STARD9: variants seen among roughly 807,000 people sequenced by gnomAD.
The protein encoded by STARD9 is StAR related lipid transfer domain containing 9, also known as stAR-related lipid transfer protein 9.
In STARD9, 346 loss-of-function variants were observed where a neutral mutation model predicts 399.8. The observed-to-expected ratio is 0.87, with a 90% CI of 0.79 to 0.95. The LOEUF (loss-of-function observed/expected upper bound fraction) is 0.95, where lower values mean the gene tolerates loss of function less well. Ranked by LOEUF, STARD9 falls within the 40% of genes least tolerant of loss-of-function variation. The pLI, the probability that STARD9 is intolerant of heterozygous loss-of-function variation, is 0.00. For synonymous variants in STARD9, 2,203 were observed against 2,143.5 expected (o/e 1.03, Z -0.77); for missense variants, 5,832 against 5,667.5 (o/e 1.03, Z -0.93).
At chr15:42,631,434 A>G (rs1487651211) in intron 3 of STARD9, among the ~76,000 whole-genome samples, 1 of 151,988 alleles carries the variant, frequency 6.6e-6, no homozygotes, top group Non-Finnish European at 1.5e-5. Context: ...TACAAAAAAA[A>G]CCAGGCGTGG....
intron 1 of STARD9, chr15:42,581,464 G>A: frequency 1.3e-6 from 2 of 1,528,156 alleles, no homozygotes; most frequent in Non-Finnish European, 1.8e-6. Context: ...CTGGGCTGGT[G>A]GCCGCTGCCA....
At position 42,689,750 on chromosome 15, in the gene STARD9, T is replaced by C; in HGVS notation, c.8172T>C (p.Arg2724=). 6.5e-7 allele frequency: 1 copy of C among 1,537,794 alleles called. No individual in the cohort carries two copies. The highest frequency in any genetic ancestry group is 8.7e-7 in the Non-Finnish European group (1 of 1,147,016). The change falls in exon 23 of 33, where the codon CGT becomes CGC. Residue 2724 remains arginine (R), a synonymous_variant. Transcript: ENST00000290607. ...ATCCTTTGGCCCCAGACAGTCCTCG[T>C]TCTTCAGCACCTGTGGAGGAGGTCA... ...SADPLAPDSP[R]SSAPVEEVRR...
chr15:42,688,879 A>G lies in STARD9; in HGVS notation c.7301A>G (p.Asp2434Gly). 4 of 1,537,298 alleles carry G rather than the reference A, an allele frequency of 2.6e-6. No individual in the cohort carries two copies. Among genetic ancestry groups the G allele is most frequent in the African/African-American group, 1.4e-5 (1 of 73,158 alleles). Residue 2434 changes from aspartate (D) to glycine (G), a missense_variant, in exon 23 of 33, where the codon GAC (aspartate) becomes GGC (glycine). Coordinates refer to ENST00000290607, the MANE Select transcript of STARD9 (RefSeq NM_020759.3). ...GAGAGCATTCCTCTGGGGACAGAGG[A>G]CAGGATCTCAGCAAGCACCAGCCCC... ...VPESIPLGTE[D>G]RISASTSPQD...
Position 42,637,913 on chromosome 15 carries a change from G to C in STARD9, c.358G>C (p.Val120Leu). ...TYTMLGTPAS[V>L]GLTPRICEGL... The stretch of plus-strand genomic sequence containing the variant: ...CCTTTCTTCTGTTCACCAGGCCTCT[G>C]TTGGGTTGACACCACGGATATGTGA... The change falls in exon 5 of 33, where the codon GTT becomes CTT. Residue 120 changes from valine to leucine, a missense_variant. Physicochemically the swap from Val to Leu is conservative, Grantham distance 32. Transcript: ENST00000290607. The C allele has an allele frequency of 2.6e-6, 4 of 1,537,232 alleles. No individual in the cohort carries two copies. Among genetic ancestry groups the C allele is most frequent in the Non-Finnish European group, 3.5e-6 (4 of 1,146,896 alleles).
Position 42,712,090 on chromosome 15 carries a change from TATATATAATATATAATATATAATATATA to T in STARD9, c.13285-4579_13285-4552del, listed in dbSNP as rs765517722. Among the ~76,000 whole-genome samples, 4 of 6,132 alleles carry T rather than the reference TATATATAATATATAATATATAATATATA, an allele frequency of 6.5e-4. 1 individual carries two copies. The highest frequency in any genetic ancestry group is 0.011 in the South Asian group (2 of 188). 4.0% of individuals were successfully genotyped at this position (6,132 alleles called of 152,430 possible). A position where few individuals can be genotyped will look rare whatever the true frequency, so the allele number is the denominator to read the frequency against. On this transcript the variant is annotated intron_variant, in intron 26 of 32. Transcript: ENST00000290607. ...TATATATATATATATATTATATATA[TATATATAATATATAATATATAATATATA>T]ATATATATATAAATGTGCCTTTGCC...
intron 4 of STARD9, among the ~76,000 whole-genome samples, chr15:42,635,529 C>T (rs2059403019): frequency 6.6e-6 from 1 of 152,074 alleles, no homozygotes; most frequent in African/African-American, 2.4e-5. Flanking sequence ...CGGGGTTTCA[C>T]CGTGTTAGCC....
Position 42,693,769 on chromosome 15 carries a change from C to T in STARD9, c.12191C>T (p.Ala4064Val), listed in dbSNP as rs2060773216. Residue 4064 changes from alanine (A) to valine (V), a missense_variant, in exon 23 of 33, where the codon GCA (alanine) becomes GTA (valine). By Grantham distance (64) the Ala-to-Val change is moderately conservative. This residue lies in a region of STARD9 where 5,828 missense variants were observed against 5,651.1 expected (regional missense o/e 1.03). Coordinates refer to ENST00000290607, the MANE Select transcript of STARD9 (RefSeq NM_020759.3). ...ACAGAAAATGGAGGTGAGAGTTCAG[C>T]ATCTCCAGGGGAACCACAACGCACT... ...SRTENGGESSASPGEPQRTLD... is the reference protein window; with the variant it reads ...SRTENGGESSVSPGEPQRTLD... 3 of 1,536,142 alleles carry T rather than the reference C, an allele frequency of 2.0e-6. No individual in the cohort carries two copies. Among genetic ancestry groups the T allele is most frequent in the South Asian group, 1.2e-5 (1 of 83,974 alleles).
At chr15:42,596,848 C>T (rs2058515649) in intron 3 of STARD9, among the ~76,000 whole-genome samples, 1 of 152,182 alleles carries the variant, frequency 6.6e-6, no homozygotes, top group Admixed American at 6.5e-5. Flanking sequence ...GCAAAATATT[C>T]GAACAGTACA....
intron 3 of STARD9, among the ~76,000 whole-genome samples, chr15:42,608,563 A>G (rs1307953228): frequency 6.6e-6 from 1 of 152,178 alleles, no homozygotes; most frequent in African/African-American, 2.4e-5. Flanking sequence ...TTTTTTCCAC[A>G]TAGGCAGGAA....
chr15:42,679,601 GCTGCGTT>G (rs1195986084), intron 20 of STARD9, among the ~76,000 whole-genome samples: 1 of 152,156 alleles, frequency 6.6e-6, no homozygotes, highest in East Asian at 1.9e-4. Flanking sequence ...TCCTCCAAAG[GCTGCGTT>G]ATGAAATCTT....
At chr15:42,627,017 C>A (rs1192574594) in intron 3 of STARD9, among the ~76,000 whole-genome samples, 1 of 152,046 alleles carries the variant, frequency 6.6e-6, no homozygotes. Context: ...GCTGGTATTA[C>A]AAGTGTGTAC....
rs369310511 is a variant in STARD9, at chr15:42,684,165, C to T, written c.2587C>T (p.Pro863Ser). The T allele has an allele frequency of 5.0e-4, 767 of 1,536,998 alleles. 2 individuals carry two copies. The highest frequency in any genetic ancestry group is 6.2e-4 in the Non-Finnish European group (707 of 1,146,796). ...PSTTLPPRPD[P>S]THQTSEKTSS... ...TACCACATTGCCACCTAGGCCTGAC[C>T]CTACACACCAAACATCAGAGAAAAC... Residue 863 changes from proline to serine, a missense_variant, in exon 23 of 33, where the codon CCT becomes TCT. This residue lies in a region of STARD9 where 5,828 missense variants were observed against 5,651.1 expected (regional missense o/e 1.03). Coordinates refer to ENST00000290607, the MANE Select transcript of STARD9 (RefSeq NM_020759.3).
rs556481303 is a variant in STARD9 at position 42,623,386 on chromosome 15, G to C, written c.235-11470G>C. 2.0e-5 allele frequency among the ~76,000 whole-genome samples: 3 copies of C among 152,174 alleles called. No homozygotes were observed. In the South Asian group the frequency reaches 6.2e-4, roughly 32 times the overall value. ...TTTATTCATATTCTACTATGTACTG[G>C]TATTGAACTGTTTACTGACTCTATG... is the stretch of plus-strand genomic sequence containing the variant. On this transcript the variant is annotated intron_variant, in intron 3 of 32. Coordinates refer to ENST00000290607, the MANE Select transcript of STARD9 (RefSeq NM_020759.3).
At chr15:42,644,969 A>T (rs1206892988) in intron 7 of STARD9, among the ~76,000 whole-genome samples, 2 of 152,184 alleles carry the variant, frequency 1.3e-5, no homozygotes, top group East Asian at 3.8e-4. Context: ...TTTGATCCTG[A>T]GATTGTGGCA....
intron 2 of STARD9, 33 bp downstream of exon 2, chr15:42,583,448 A>G (rs1595578173): frequency 1.4e-6 from 2 of 1,467,622 alleles, no homozygotes; most frequent in Non-Finnish European, 1.8e-6. Flanking sequence ...TTTTCTTTCC[A>G]CTGAGGAGCT....
intron 26 of STARD9, among the ~76,000 whole-genome samples, chr15:42,708,548 T>G (rs1274808356): frequency 2.6e-5 from 4 of 152,264 alleles, no homozygotes; most frequent in Non-Finnish European, 5.9e-5. Flanking sequence ...CCCCTTTTGA[T>G]TCTAACTTAT....
intron 15 of STARD9, among the ~76,000 whole-genome samples, chr15:42,666,507 G>C (rs904618842): frequency 6.6e-6 from 1 of 152,194 alleles, no homozygotes; most frequent in Non-Finnish European, 1.5e-5. Flanking sequence ...AGCACACACC[G>C]TGAGGAAGAC....
chr15:42,715,903 C>A (rs998038626), intron 26 of STARD9, among the ~76,000 whole-genome samples: 1 of 152,110 alleles, frequency 6.6e-6, no homozygotes, highest in Non-Finnish European at 1.5e-5. Context: ...GACTGGTGAT[C>A]AGTAGTGAAA....
rs751910395 is a variant in STARD9 at position 42,687,355 on chromosome 15, T to A, written c.5777T>A (p.Val1926Asp). Residue 1926 changes from valine to aspartate, a missense_variant, in exon 23 of 33, where the codon GTT (valine) becomes GAT (aspartate). Coordinates refer to ENST00000290607, the MANE Select transcript of STARD9 (RefSeq NM_020759.3). ...REEEELDQNT[V>D]LRQTINVSLE... ...GAAGAAGAGCTGGATCAGAATACGGTTCTGAGGCAGACCATCAATGTAAGC... is the reference window on the plus strand; with the variant it reads ...GAAGAAGAGCTGGATCAGAATACGGATCTGAGGCAGACCATCAATGTAAGC... 3.1e-5 allele frequency: 47 copies of A among 1,536,728 alleles called. No individual in the cohort carries two copies. Among genetic ancestry groups the A allele is most frequent in the Non-Finnish European group, 4.1e-5 (47 of 1,146,918 alleles).
Sources: allele counts gnomAD v4.1 joint callset (sites outside exome capture counted in the v4.1 genomes callset), GRCh38; gene constraint gnomAD v4.1.1; regional missense constraint gnomAD v4.1.1; transcripts MANE v1.5; gene names NCBI Gene and HGNC (gene_info 2026-07-23, HGNC 2026-07-21).